SCFD2: variants seen among roughly 807,000 people sequenced by gnomAD.
SCFD2 encodes the protein sec1 family domain containing 2, also known as sec1 family domain-containing protein 2.
Under a neutral mutation model 58.9 loss-of-function variants are expected in SCFD2, and 54 were observed. The ratio of observed to expected loss-of-function variants is 0.92; its 90% confidence interval spans 0.74 to 1.15. The LOEUF (loss-of-function observed/expected upper bound fraction) is 1.15. Among genes scored for constraint, SCFD2 ranks in the 50% most tolerant of loss-of-function variants. The pLI, the probability that SCFD2 is intolerant of heterozygous loss-of-function variation, is 0.00. For synonymous variants in SCFD2, 321 were observed against 335.9 expected, an observed-to-expected ratio of 0.96 and a Z score of 0.49; for missense variants, 805 against 836.6, an observed-to-expected ratio of 0.96 and a Z score of 0.47.
chr4:53,225,341 T>C (rs1729171863), intron 4 of SCFD2, among the ~76,000 whole-genome samples: 1 of 152,186 alleles, frequency 6.6e-6, no homozygotes, highest in Non-Finnish European at 1.5e-5. Flanking sequence ...TGGGGTTTTT[T>C]ATTACTAGGA....
intron 8 of SCFD2, among the ~76,000 whole-genome samples, chr4:52,882,507 T>G (rs745496796): frequency 1.3e-5 from 2 of 152,148 alleles, no homozygotes; most frequent in Non-Finnish European, 2.9e-5. Flanking sequence ...GAGATTAACA[T>G]TTGAGTCAGT....
intron 6 of SCFD2, among the ~76,000 whole-genome samples, chr4:52,915,678 G>A (rs1719585828): frequency 6.6e-6 from 1 of 152,176 alleles, no homozygotes; most frequent in Admixed American, 6.5e-5. Context: ...TTCAATATGA[G>A]GAAGGTGAAG....
intron 5 of SCFD2, among the ~76,000 whole-genome samples, chr4:53,005,718 A>T (rs1721957536): frequency 6.6e-6 from 1 of 152,188 alleles, no homozygotes; most frequent in Non-Finnish European, 1.5e-5. Context: ...AGACACAAAG[A>T]GTATTACATT....
At chr4:52,970,477 C>T (rs1267250073) in intron 5 of SCFD2, among the ~76,000 whole-genome samples, 1 of 152,154 alleles carries the variant, frequency 6.6e-6, no homozygotes, top group African/African-American at 2.4e-5. Flanking sequence ...GGGAGGGGCA[C>T]CCACCATTGC....
intron 4 of SCFD2, among the ~76,000 whole-genome samples, chr4:53,230,059 A>G (rs1430777264): frequency 6.6e-6 from 1 of 152,262 alleles, no homozygotes; most frequent in Non-Finnish European, 1.5e-5. Context: ...ATGCAAATCA[A>G]AACCACAATG....
chr4:52,937,323 T>C (rs1383999487), intron 5 of SCFD2, among the ~76,000 whole-genome samples: 2 of 151,912 alleles, frequency 1.3e-5, no homozygotes, highest in East Asian at 1.9e-4. Flanking sequence ...GCCAGATCAT[T>C]TGGGGGCAAG....
At position 53,365,908 on chromosome 4, in the gene SCFD2, G is replaced by A. The variant is rs1321173546; in HGVS notation, c.34C>T (p.Gln12Ter). 6.3e-7 allele frequency: 1 copy of A among 1,589,042 alleles called. No homozygotes were observed. Among genetic ancestry groups the A allele is most frequent in the African/African-American group, 1.3e-5 (1 of 74,750 alleles). Residue 12 changes from glutamine to a stop codon, truncating the protein, a stop_gained, in exon 1 of 9, where the codon CAA becomes TAA. Coordinates refer to ENST00000401642, the MANE Select transcript of SCFD2 (RefSeq NM_152540.4). LOFTEE classifies it high-confidence loss of function. This position sits in a 1 kb window ranked among gnomAD's most constrained non-coding sequence, Gnocchi z 4.3. ...SASGVLSFTQ[Q>*]GWEQVLAKVK... ...TTGGCCAGCACCTGCTCCCATCCTT[G>A]CTGGGTAAAGGACAGTACGCCCGAG...
At chr4:53,056,608 G>A (rs1245022830) in intron 5 of SCFD2, among the ~76,000 whole-genome samples, 1 of 152,060 alleles carries the variant, frequency 6.6e-6, no homozygotes. Flanking sequence ...TAGTAGAGTA[G>A]GGTGAACTGT....
intron 4 of SCFD2, among the ~76,000 whole-genome samples, chr4:53,236,101 T>C (rs1227497966): frequency 6.6e-6 from 1 of 152,088 alleles, no homozygotes; most frequent in Non-Finnish European, 1.5e-5. Context: ...TTTGAGTCAG[T>C]GGGTTGGGGA....
chr4:53,272,147 CAAT>C (rs1453918060), intron 4 of SCFD2, among the ~76,000 whole-genome samples: 2 of 152,180 alleles, frequency 1.3e-5, no homozygotes, highest in African/African-American at 4.8e-5. Flanking sequence ...ATCAAAACCA[CAAT>C]GAGATACCAT....
intron 7 of SCFD2, among the ~76,000 whole-genome samples, chr4:52,898,802 G>T (rs887141814): frequency 2.6e-5 from 4 of 152,120 alleles, no homozygotes; most frequent in Non-Finnish European, 4.4e-5. Flanking sequence ...CTCTTTGTAG[G>T]TCTCTAAGGA....
intron 3 of SCFD2, among the ~76,000 whole-genome samples, chr4:53,294,973 C>A (rs1384161485): frequency 6.6e-6 from 1 of 151,970 alleles, no homozygotes; most frequent in Non-Finnish European, 1.5e-5. Context: ...ATTTCTGAGG[C>A]CTCTGTTCTG....
chr4:52,921,201 T>C (rs1161749035), intron 5 of SCFD2, among the ~76,000 whole-genome samples: 1 of 152,110 alleles, frequency 6.6e-6, no homozygotes, highest in East Asian at 1.9e-4. Context: ...AACACGACTT[T>C]GGGAAAATAT....
At chr4:53,298,525 C>A (rs186104448) in intron 3 of SCFD2, among the ~76,000 whole-genome samples, 2 of 152,168 alleles carry the variant, frequency 1.3e-5, no homozygotes, top group East Asian at 3.9e-4. Flanking sequence ...GGGGGCAGGG[C>A]TCAGACAAAC....
intron 4 of SCFD2, among the ~76,000 whole-genome samples, chr4:53,258,577 T>TATATATATATACACAC (rs757658747): frequency 8.2e-6 from 1 of 121,372 alleles, no homozygotes; most frequent in African/African-American, 3.2e-5. Flanking sequence ...TATATATATA[T>TATATATATATACACAC]ACACACACAT....
intron 5 of SCFD2, among the ~76,000 whole-genome samples, chr4:52,999,589 T>C (rs907409750): frequency 2.6e-5 from 4 of 152,192 alleles, no homozygotes; most frequent in African/African-American, 4.8e-5. Context: ...TGACAGGACC[T>C]GGTATGTGTG....
Position 52,987,218 on chromosome 4 carries a change from C to T in SCFD2, c.1562-66348G>A, listed in dbSNP as rs140908781. On this transcript the variant is annotated intron_variant, in intron 5 of 8. Coordinates refer to ENST00000401642, the MANE Select transcript of SCFD2 (RefSeq NM_152540.4). ...TAATTTTTTGTATTTTTAGTAGAGA[C>T]GGGGTTTCACCGTGGTCACGATCTC... 6.0e-3 allele frequency among the ~76,000 whole-genome samples: 908 copies of T among 151,482 alleles called. 8 individuals carry two copies. The highest frequency in any genetic ancestry group is 0.021 in the African/African-American group (868 of 41,282).
chr4:53,345,377 CA>C (rs1734026733), intron 2 of SCFD2, among the ~76,000 whole-genome samples: 1 of 152,144 alleles, frequency 6.6e-6, no homozygotes, highest in South Asian at 2.1e-4. Context: ...CAGAGAAATG[CA>C]AATCAAAGCC....
rs747459508 is a variant in SCFD2 at position 53,293,453 on chromosome 4, G to A, written c.1136-19452C>T. On this transcript the variant is annotated intron_variant, in intron 3 of 8. Transcript: ENST00000401642. ...ACCTGCATTCCTGCAAATGTACCCC[G>A]GATGTTAAAATAAAATAAAATGACA... Among the ~76,000 whole-genome samples the A allele has an allele frequency of 4.0e-5, 6 of 151,898 alleles. No individual in the cohort carries two copies. The South Asian group carries it at 6.2e-4, about 16-fold the overall frequency.
Sources: gnomAD v4.1 joint callset for allele counts (sites outside exome capture counted in the v4.1 genomes callset) on GRCh38, gnomAD v4.1.1 for gene constraint, Gnocchi (gnomAD v3.1) non-coding constraint, MANE v1.5 for transcripts, NCBI Gene and HGNC (gene_info 2026-07-23, HGNC 2026-07-21) for gene names.